Variants in FSTL4 observed in about 807,000 individuals in gnomAD.
FSTL4 encodes the protein follistatin-related protein 4.
A neutral mutation model predicts 78.2 loss-of-function variants in FSTL4; 28 were observed. That is an observed-to-expected ratio of 0.36 (90% CI 0.27 to 0.49). The LOEUF is 0.49. Among genes scored for constraint, FSTL4 ranks in the 20% least tolerant of loss-of-function variants. The pLI, the probability that FSTL4 is intolerant of heterozygous loss-of-function variation, is 0.98. For synonymous variants in FSTL4, 422 were observed against 440.5 expected (o/e 0.96, Z 0.53); for missense variants, 922 against 1,084.9 (o/e 0.85, Z 2.11).
chr5:133,491,695 C>A (rs1049215979), intron 3 of FSTL4, among the ~76,000 whole-genome samples: 1 of 152,118 alleles, frequency 6.6e-6, no homozygotes, highest in African/African-American at 2.4e-5. Flanking sequence ...AGCCACTGCG[C>A]CTGGCCTAAT....
At chr5:133,341,399 T>C (rs1754578732) in intron 4 of FSTL4, among the ~76,000 whole-genome samples, 1 of 152,094 alleles carries the variant, frequency 6.6e-6, no homozygotes, top group Admixed American at 6.5e-5. Flanking sequence ...GGACGTGAGT[T>C]GGGCTCAGCG....
intron 7 of FSTL4, among the ~76,000 whole-genome samples, chr5:133,237,881 G>A (rs1283814113): frequency 6.7e-6 from 1 of 148,592 alleles, no homozygotes; most frequent in Non-Finnish European, 1.5e-5. Context: ...CTGATGCATA[G>A]AACTGTATTA....
chr5:133,673,142 C>G, the FSTL4 span, among the ~76,000 whole-genome samples: 13 of 152,344 alleles, frequency 8.5e-5, no homozygotes, highest in African/African-American at 3.1e-4. Flanking sequence ...GCATCTATCT[C>G]AGTGAGCAAA....
intron 6 of FSTL4, among the ~76,000 whole-genome samples, chr5:133,304,378 G>C (rs909056997): frequency 6.6e-6 from 1 of 152,108 alleles, no homozygotes; most frequent in African/African-American, 2.4e-5. Flanking sequence ...ACATGAGGCT[G>C]TTCTGCAGCT....
chr5:133,485,341 A>T (rs1183527786), intron 3 of FSTL4, among the ~76,000 whole-genome samples: 4 of 152,216 alleles, frequency 2.6e-5, no homozygotes, highest in East Asian at 1.9e-4. Flanking sequence ...AGAAAGCAGG[A>T]GGGAACCCTT....
intron 3 of FSTL4, among the ~76,000 whole-genome samples, chr5:133,461,923 G>A (rs917518408): frequency 6.6e-6 from 1 of 152,176 alleles, no homozygotes; most frequent in Non-Finnish European, 1.5e-5. Flanking sequence ...CTGGCTCTCA[G>A]CAAGGATGAG....
the FSTL4 span, among the ~76,000 whole-genome samples, chr5:133,738,787 A>G: frequency 0.25 from 38,745 of 152,092 alleles, 5,737 homozygotes; most frequent in Non-Finnish European, 0.34. Context: ...AGTTCTAAGC[A>G]TTGCGTGTAG....
chr5:133,241,407 T>C (rs896904650), intron 7 of FSTL4, among the ~76,000 whole-genome samples: 1 of 152,216 alleles, frequency 6.6e-6, no homozygotes, highest in Non-Finnish European at 1.5e-5. Flanking sequence ...GGTATGCGTG[T>C]TGAAATTGCG....
intron 8 of FSTL4, 28 bp downstream of exon 8, chr5:133,233,389 G>A: frequency 6.2e-7 from 1 of 1,613,352 alleles, no homozygotes; most frequent in East Asian, 2.2e-5. Context: ...GCTATGAGGG[G>A]ACAACATGCA....
In FSTL4 at chr5:133,507,336, CTGAAAGTGTT is replaced by C. The variant is rs1046818100; in HGVS notation, c.160+59840_160+59849del. Among the ~76,000 whole-genome samples, 184 of 152,256 alleles carry C rather than the reference CTGAAAGTGTT, an allele frequency of 1.2e-3. 1 individual carries two copies. The highest frequency in any genetic ancestry group is 4.3e-3 in the African/African-American group (177 of 41,542). ...GCTCTTGATAATCTCCCCAAGCAGG[CTGAAAGTGTT>C]TGAGCCCCTTGGGTCCTTTCTGCAG... On this transcript the variant is annotated intron_variant, in intron 3 of 15. Transcript: ENST00000265342.
At chr5:133,676,857 C>G in the FSTL4 span, among the ~76,000 whole-genome samples, 1 of 152,180 alleles carries the variant, frequency 6.6e-6, no homozygotes, top group Non-Finnish European at 1.5e-5. Context: ...TTGTCTAATT[C>G]TGTATTCTGT....
intron 3 of FSTL4, among the ~76,000 whole-genome samples, chr5:133,475,437 C>G (rs1194336033): frequency 6.6e-6 from 1 of 152,234 alleles, no homozygotes; most frequent in East Asian, 1.9e-4. Flanking sequence ...CGTGCCTCCC[C>G]CTCCCCTGCC....
chr5:133,243,829 T>C (rs1043079091), intron 7 of FSTL4: 2 of 152,362 alleles, frequency 1.3e-5, no homozygotes, highest in Admixed American at 1.3e-4. Flanking sequence ...CCTGTCCCTG[T>C]TTCTGCCCGT....
At chr5:133,424,536 G>A (rs1756764980) in intron 3 of FSTL4, among the ~76,000 whole-genome samples, 1 of 152,214 alleles carries the variant, frequency 6.6e-6, no homozygotes, top group East Asian at 1.9e-4. Context: ...GGGGCACCTG[G>A]GTTCTCTACG....
At chr5:133,781,365 TTGTGTG>T in the FSTL4 span, among the ~76,000 whole-genome samples, 16,622 of 143,244 alleles carry the variant, frequency 0.12, 987 homozygotes, top group Non-Finnish European at 0.14. Context: ...TGTTAAGCGG[TTGTGTG>T]TGTGTGTGTG....
At chr5:133,774,982 C>T in the FSTL4 span, among the ~76,000 whole-genome samples, 1 of 106,660 alleles carries the variant, frequency 9.4e-6, no homozygotes, top group Non-Finnish European at 2.2e-5. Context: ...TCTAAAATGA[C>T]AAAAAAAAAA....
At chr5:133,646,760 G>A in the FSTL4 span, among the ~76,000 whole-genome samples, 1 of 152,126 alleles carries the variant, frequency 6.6e-6, no homozygotes, top group African/African-American at 2.4e-5. Context: ...GTAACTGGGT[G>A]TATGTGGTGC....
At chr5:133,215,400 C>CT (rs1463252083) in intron 13 of FSTL4, among the ~76,000 whole-genome samples, 1 of 152,162 alleles carries the variant, frequency 6.6e-6, no homozygotes, top group Non-Finnish European at 1.5e-5. Flanking sequence ...TAGCTTAGGC[C>CT]TCTCCTTTGA....
chr5:133,660,588 C>T, the FSTL4 span, among the ~76,000 whole-genome samples: 1 of 152,184 alleles, frequency 6.6e-6, no homozygotes, highest in Non-Finnish European at 1.5e-5. Flanking sequence ...CTACAGAGAA[C>T]TGAAGTTGTC....
Sources: gnomAD v4.1 joint callset for allele counts (sites outside exome capture counted in the v4.1 genomes callset) on GRCh38, gnomAD v4.1.1 for gene constraint, MANE v1.5 for transcripts, NCBI Gene and HGNC (gene_info 2026-07-23, HGNC 2026-07-21) for gene names.